Variants in WWOX observed in about 807,000 individuals in gnomAD.
WWOX encodes the protein WW domain containing oxidoreductase, also known as WW domain-containing oxidoreductase.
Under a neutral mutation model 46.2 loss-of-function variants are expected in WWOX, and 69 were observed. The ratio of observed to expected loss-of-function variants is 1.49; its 90% CI spans 1.23 to 1.82. WWOX has a LOEUF of 1.82. Ranked by LOEUF, WWOX falls within the 40% of genes most tolerant of loss-of-function variation. WWOX has a pLI of 0.00. For synonymous variants in WWOX, 359 were observed against 202.6 expected, an observed-to-expected ratio of 1.77 and a Z score of -6.56; for missense variants, 919 against 542.6, an observed-to-expected ratio of 1.69 and a Z score of -6.89.
At chr16:78,871,549 G>A (rs952985279) in intron 8 of WWOX, among the ~76,000 whole-genome samples, 10 of 152,162 alleles carry the variant, frequency 6.6e-5, no homozygotes, top group African/African-American at 1.9e-4. Flanking sequence ...GGATGACTCT[G>A]GAGCTGTGGT....
chr16:78,378,436 G>A (rs182814133), intron 5 of WWOX, among the ~76,000 whole-genome samples: 2 of 152,274 alleles, frequency 1.3e-5, no homozygotes, highest in East Asian at 3.9e-4. Flanking sequence ...AAGCAACTGT[G>A]TCCCCATGCA....
chr16:78,542,018 C>CAAAAAAAAAA lies in WWOX; in HGVS notation c.1056+109285_1056+109294dup, dbSNP rs548366256. ...GAGGGTTTCTTTCAACAGAGTATAC[C>CAAAAAAAAAA]AAAAAAAAAAAAAAAAAAAAAAAAA... On this transcript the variant is annotated intron_variant, in intron 8 of 8. Coordinates refer to ENST00000566780, the MANE Select transcript of WWOX (RefSeq NM_016373.4). Among the ~76,000 whole-genome samples the CAAAAAAAAAA allele has an allele frequency of 1.2e-3, 47 of 40,638 alleles. 5 individuals carry two copies. Among genetic ancestry groups the CAAAAAAAAAA allele is most frequent in the Non-Finnish European group, 1.2e-3 (30 of 24,854 alleles). 26.7% of individuals were successfully genotyped at this position (40,638 alleles called of 152,430 possible).
intron 8 of WWOX, among the ~76,000 whole-genome samples, chr16:78,739,459 G>C (rs1013380100): frequency 1.3e-5 from 2 of 152,134 alleles, no homozygotes; most frequent in African/African-American, 2.4e-5. Context: ...TCTAGGAAAG[G>C]GTTGTGGAAT....
chr16:78,684,315 G>T (rs758432450), intron 8 of WWOX, among the ~76,000 whole-genome samples: 7 of 152,128 alleles, frequency 4.6e-5, no homozygotes, highest in Non-Finnish European at 1.0e-4. Context: ...GGGGAGCGGT[G>T]GCAGGTAATA....
intron 8 of WWOX, among the ~76,000 whole-genome samples, chr16:79,085,039 C>T (rs573027732): frequency 6.6e-6 from 1 of 152,054 alleles, no homozygotes; most frequent in Admixed American, 6.5e-5. Context: ...AATCCTCCCG[C>T]CTCAGCCTCC....
chr16:78,419,655 C>T (rs918984815), intron 6 of WWOX, among the ~76,000 whole-genome samples: 3 of 127,994 alleles, frequency 2.3e-5, no homozygotes, highest in African/African-American at 9.2e-5. Context: ...AAAAAAGGGT[C>T]AGAGACTTAA....
chr16:78,341,780 G>A (rs80032489), intron 5 of WWOX, among the ~76,000 whole-genome samples: 2,155 of 120,612 alleles, frequency 0.018, 514 homozygotes, highest in African/African-American at 0.057. Flanking sequence ...AAATAGATGA[G>A]TCCCTATTGG....
chr16:78,648,158 C>T lies in WWOX; in HGVS notation c.1056+215406C>T, dbSNP rs73565245. Reference sequence around the variant, plus strand: ...AGGTGACTGAATACATTACCACCTCCCAGGAGTTGAATGAAAAACGGCTAT... The same window carrying T: ...AGGTGACTGAATACATTACCACCTCTCAGGAGTTGAATGAAAAACGGCTAT... On this transcript the variant is annotated intron_variant, in intron 8 of 8. Coordinates refer to ENST00000566780, the MANE Select transcript of WWOX (RefSeq NM_016373.4). Among the ~76,000 whole-genome samples, 1,378 of 152,280 alleles carry T rather than the reference C, an allele frequency of 9.0e-3. 21 individuals are homozygous for T. The highest frequency in any genetic ancestry group is 0.031 in the African/African-American group (1,307 of 41,544).
chr16:78,613,614 T>G (rs1030952065), intron 8 of WWOX, among the ~76,000 whole-genome samples: 2 of 152,220 alleles, frequency 1.3e-5, no homozygotes, highest in South Asian at 2.1e-4. Flanking sequence ...GGATTCAAGA[T>G]GCAATCACCA....
intron 5 of WWOX, among the ~76,000 whole-genome samples, chr16:78,258,559 A>G (rs932747290): frequency 2.6e-5 from 4 of 152,076 alleles, no homozygotes; most frequent in Non-Finnish European, 5.9e-5. Flanking sequence ...GGAGGCCTTG[A>G]CAGTTCCATG....
intron 8 of WWOX, among the ~76,000 whole-genome samples, chr16:78,591,681 G>C (rs1023041829): frequency 2.0e-5 from 3 of 152,188 alleles, no homozygotes; most frequent in African/African-American, 7.2e-5. Flanking sequence ...ATCAGTTTGT[G>C]TTTCCTGTTA....
chr16:78,166,610 G>C (rs137939350), intron 5 of WWOX: 7,529 of 150,950 alleles, frequency 0.05, 314 homozygotes, highest in East Asian at 0.25. Flanking sequence ...CCAGGCTGGA[G>C]TGCAGTGGCA....
intron 8 of WWOX, among the ~76,000 whole-genome samples, chr16:79,114,983 G>T (rs1167124048): frequency 1.3e-5 from 2 of 152,218 alleles, no homozygotes; most frequent in Non-Finnish European, 2.9e-5. Context: ...TCGCCCACAG[G>T]AACATTGCAA....
At chr16:78,554,591 G>A (rs781021383) in intron 8 of WWOX, among the ~76,000 whole-genome samples, 17 of 152,060 alleles carry the variant, frequency 1.1e-4, no homozygotes, top group African/African-American at 4.1e-4. Context: ...ATACGTGGGT[G>A]TACACACACA....
chr16:78,536,099 A>C (rs1033208282), intron 8 of WWOX, among the ~76,000 whole-genome samples: 1 of 152,184 alleles, frequency 6.6e-6, no homozygotes, highest in Non-Finnish European at 1.5e-5. Context: ...CCTTGTATAC[A>C]GTAAGCATTC....
chr16:78,525,268 C>G (rs1231102030), intron 8 of WWOX: 2 of 149,966 alleles, frequency 1.3e-5, no homozygotes, highest in Non-Finnish European at 2.9e-5. Context: ...TCACTGCAAG[C>G]TCTGCCTCCT....
chr16:78,290,641 C>T (rs1240847650), intron 5 of WWOX, among the ~76,000 whole-genome samples: 1 of 151,394 alleles, frequency 6.6e-6, no homozygotes, highest in Admixed American at 6.6e-5. Flanking sequence ...CTTGCCGTGT[C>T]GGACTTTAGT....
At chr16:78,755,532 T>C (rs1597555354) in intron 8 of WWOX, among the ~76,000 whole-genome samples, 1 of 152,104 alleles carries the variant, frequency 6.6e-6, no homozygotes, top group African/African-American at 2.4e-5. Flanking sequence ...TGTATCCTGG[T>C]GTTGTAATAT....
chr16:79,047,694 T>C (rs1315397260), intron 8 of WWOX, among the ~76,000 whole-genome samples: 1 of 146,500 alleles, frequency 6.8e-6, no homozygotes, highest in Admixed American at 6.8e-5. Flanking sequence ...TTTTTTTTTT[T>C]TTTTTTTGCT....
Sources: gnomAD v4.1 joint callset for allele counts (sites outside exome capture counted in the v4.1 genomes callset) on GRCh38, gnomAD v4.1.1 for gene constraint, MANE v1.5 for transcripts, NCBI Gene and HGNC (gene_info 2026-07-23, HGNC 2026-07-21) for gene names.